Variants in GRIK4 observed in about 807,000 individuals in gnomAD.
GRIK4 encodes the protein glutamate ionotropic receptor kainate type subunit 4.
Under a neutral mutation model 104.9 loss-of-function variants are expected in GRIK4, and 40 were observed. The ratio of observed to expected loss-of-function variants is 0.38; its 90% CI spans 0.30 to 0.50. GRIK4 has a LOEUF of 0.50. Ranked by LOEUF, GRIK4 falls within the 20% of genes least tolerant of loss-of-function variation. The probability of loss-of-function intolerance (pLI) is 0.93; values close to 1 mark genes in which losing one functional copy is unlikely to be tolerated. For synonymous variants in GRIK4, 485 were observed against 524.9 expected (o/e 0.92, Z 1.04); for missense variants, 1,047 against 1,308.1 (o/e 0.80, Z 3.08).
chr11:120,580,339 G>C (rs1190376088), intron 1 of GRIK4, among the ~76,000 whole-genome samples: 1 of 149,582 alleles, frequency 6.7e-6, no homozygotes, highest in African/African-American at 2.5e-5. Flanking sequence ...GCAGTGGCGC[G>C]ATCTTGGCTC....
At chr11:120,571,450 A>G (rs1178681501) in intron 1 of GRIK4, among the ~76,000 whole-genome samples, 1 of 152,134 alleles carries the variant, frequency 6.6e-6, no homozygotes, top group African/African-American at 2.4e-5. Flanking sequence ...TTAGTCCCTC[A>G]TCTTGCTGGA....
intron 3 of GRIK4, among the ~76,000 whole-genome samples, chr11:120,722,049 C>T (rs1950941546): frequency 1.3e-5 from 2 of 152,144 alleles, no homozygotes; most frequent in South Asian, 2.1e-4. Flanking sequence ...GTAGTTTACA[C>T]AGCTAGTCAG....
intron 1 of GRIK4, among the ~76,000 whole-genome samples, chr11:120,644,086 GTGTGTATGTGTGATTC>G (rs1168333526): frequency 6.6e-6 from 1 of 151,384 alleles, no homozygotes; most frequent in Non-Finnish European, 1.5e-5. Flanking sequence ...GAGAGAAAGT[GTGTGTATGTGTGATTC>G]TGTGTATGTG....
chr11:120,800,078 T>A (rs900729629), intron 3 of GRIK4, among the ~76,000 whole-genome samples: 2 of 151,562 alleles, frequency 1.3e-5, no homozygotes, highest in Non-Finnish European at 2.9e-5. Flanking sequence ...GGTCTCAAAC[T>A]CACGACCTCG....
chr11:120,596,246 G>T (rs1028746753), intron 1 of GRIK4, among the ~76,000 whole-genome samples: 10 of 152,248 alleles, frequency 6.6e-5, no homozygotes, highest in Admixed American at 6.5e-4. Flanking sequence ...ATTTTTGAAT[G>T]CCCACTGTGT....
At chr11:120,780,037 C>A (rs1952121154) in intron 3 of GRIK4, among the ~76,000 whole-genome samples, 1 of 152,218 alleles carries the variant, frequency 6.6e-6, no homozygotes, top group African/African-American at 2.4e-5. Context: ...TCAGAATACT[C>A]ATCTGTGAAG....
Position 120,952,200 on chromosome 11 carries a change from AGCCCTGG to A in GRIK4, c.1591-652_1591-646del, listed in dbSNP as rs1161320771. Among the ~76,000 whole-genome samples, 13 of 152,106 alleles carry A rather than the reference AGCCCTGG, an allele frequency of 8.5e-5. No homozygotes were observed. Among genetic ancestry groups the A allele is most frequent in the Non-Finnish European group, 1.8e-4 (12 of 68,012 alleles). On this transcript the variant is annotated intron_variant, in intron 14 of 20. Coordinates refer to ENST00000527524, the MANE Select transcript of GRIK4 (RefSeq NM_014619.5). The surrounding 1 kb of genome is among the most constrained non-coding windows in gnomAD (Gnocchi z 5.2). ...TGTTTTCCCACGGTGCAGTGGAGTGAGCCCTGGGCTTTGAGTCAGGAAACATGGGCTT... is the reference window on the plus strand; with the variant it reads ...TGTTTTCCCACGGTGCAGTGGAGTGAGCTTTGAGTCAGGAAACATGGGCTT...
intron 3 of GRIK4, among the ~76,000 whole-genome samples, chr11:120,732,641 A>G (rs1476017816): frequency 6.6e-6 from 1 of 152,142 alleles, no homozygotes; most frequent in African/African-American, 2.4e-5. Flanking sequence ...GTGTTTATGT[A>G]GTTCCCCAAA....
At chr11:120,841,428 G>A (rs1439388100) in intron 8 of GRIK4, among the ~76,000 whole-genome samples, 3 of 152,162 alleles carry the variant, frequency 2.0e-5, no homozygotes, top group African/African-American at 7.2e-5. Flanking sequence ...TCATTCATAT[G>A]TCAGAATTGC....
intron 1 of GRIK4, chr11:120,576,043 C>T (rs140950815): frequency 6.6e-6 from 1 of 151,826 alleles, no homozygotes; most frequent in African/African-American, 2.4e-5. Context: ...GGGAGGCAAC[C>T]ATAGGAAAAC....
chr11:120,920,802 C>T (rs1353182059), intron 13 of GRIK4, among the ~76,000 whole-genome samples: 1 of 151,656 alleles, frequency 6.6e-6, no homozygotes, highest in African/African-American at 2.4e-5. Context: ...CATTTGCTCA[C>T]ATCTTCAATG....
At chr11:120,668,332 GAAAGA>G (rs1318464356) in intron 3 of GRIK4, among the ~76,000 whole-genome samples, 1 of 129,188 alleles carries the variant, frequency 7.7e-6, no homozygotes, top group East Asian at 2.2e-4. Flanking sequence ...AGGAAGGAAA[GAAAGA>G]AAAGAATGAA....
intron 1 of GRIK4, among the ~76,000 whole-genome samples, chr11:120,540,351 C>T (rs1040511377): frequency 6.6e-6 from 1 of 152,052 alleles, no homozygotes; most frequent in Non-Finnish European, 1.5e-5. Context: ...CTGGGCGTGG[C>T]GGCTCATGCC....
intron 1 of GRIK4, among the ~76,000 whole-genome samples, chr11:120,573,009 AGTC>A (rs1948421188): frequency 6.6e-6 from 1 of 152,190 alleles, no homozygotes; most frequent in African/African-American, 2.4e-5. Context: ...TTCATTCAGT[AGTC>A]TTTTATTGAT....
intron 3 of GRIK4, among the ~76,000 whole-genome samples, chr11:120,772,796 G>A (rs1951972476): frequency 6.6e-6 from 1 of 151,976 alleles, no homozygotes; most frequent in Non-Finnish European, 1.5e-5. Flanking sequence ...CCTTACACAG[G>A]GGAGGGATAC....
intron 8 of GRIK4, among the ~76,000 whole-genome samples, chr11:120,840,393 GC>G (rs990877091): frequency 3.7e-4 from 57 of 152,158 alleles, no homozygotes; most frequent in Non-Finnish European, 5.3e-4. Context: ...ACAGCATCAT[GC>G]CCCTGCTTCT....
At position 120,905,521 on chromosome 11, in the gene GRIK4, T is replaced by TG; in HGVS notation, c.1476+29dup. On this transcript the variant is annotated intron_variant, in intron 13 of 20. Transcript: ENST00000527524. The surrounding 1 kb of genome is among the most constrained non-coding windows in gnomAD (Gnocchi z 5.1). Reference sequence around the variant, plus strand: ...AAGGAGAGGACAAGTGATCTGGGCCTGAGGGTGGGCTGGGAGGGATTGGAA... The same window carrying TG: ...AAGGAGAGGACAAGTGATCTGGGCCTGGAGGGTGGGCTGGGAGGGATTGGAA... 1.7e-6 allele frequency: 1 copy of TG among 593,814 alleles called. No individual in the cohort carries two copies. The highest frequency in any genetic ancestry group is 3.0e-6 in the Non-Finnish European group (1 of 338,674). The allele number at this position is 593,814 out of a possible 1,614,324, so 36.8% of individuals were successfully genotyped here.
chr11:120,521,949 C>T (rs1947800752), intron 1 of GRIK4, among the ~76,000 whole-genome samples: 1 of 152,184 alleles, frequency 6.6e-6, no homozygotes, highest in African/African-American at 2.4e-5. Flanking sequence ...GAGCACTTAC[C>T]ACCTTCCAGG....
intron 2 of GRIK4, among the ~76,000 whole-genome samples, chr11:120,659,638 C>T (rs1949777955): frequency 1.3e-5 from 2 of 152,212 alleles, no homozygotes; most frequent in African/African-American, 4.8e-5. Flanking sequence ...TGTGCAGTGC[C>T]TGTGCTGCGT....
Sources: gnomAD v4.1 joint callset for allele counts (sites outside exome capture counted in the v4.1 genomes callset) on GRCh38, gnomAD v4.1.1 for gene constraint, Gnocchi (gnomAD v3.1) non-coding constraint, MANE v1.5 for transcripts, NCBI Gene and HGNC (gene_info 2026-07-23, HGNC 2026-07-21) for gene names.